The following KLK2 variants were observed in gnomAD, a reference collection of about 807,000 sequenced individuals.
KLK2 encodes the protein kallikrein related peptidase 2.
In KLK2, 17 loss-of-function variants were observed where a neutral mutation model predicts 23.0. That is an observed-to-expected ratio of 0.74 (90% CI 0.51 to 1.11). The LOEUF (loss-of-function observed/expected upper bound fraction) is 1.11, where lower values mean the gene tolerates loss of function less well. KLK2 is among the 50% of genes least tolerant of loss of function. The probability of loss-of-function intolerance (pLI) is 0.00; values close to 1 mark genes in which losing one functional copy is unlikely to be tolerated. For synonymous variants in KLK2, 140 were observed against 124.7 expected, an observed-to-expected ratio of 1.12 and a Z score of -0.82; for missense variants, 330 against 325.9, an observed-to-expected ratio of 1.01 and a Z score of -0.10.
In KLK2 at chr19:50,878,405, G is replaced by T. The variant is rs775859990; in HGVS notation, c.632G>T (p.Gly211Val). The T allele has an allele frequency of 9.3e-6, 15 of 1,612,620 alleles. No homozygotes were observed. The highest frequency in any genetic ancestry group is 2.2e-5 in the South Asian group (2 of 90,976). The change falls in exon 5 of 5, where the codon GGT (glycine) becomes GTT (valine). Residue 211 changes from glycine to valine, a missense_variant and splice_region_variant. Transcript: ENST00000325321. Reference sequence around the variant, plus strand: ...GTGTCTCTCCTCCTTTACCCTTAGGGTGATTCTGGGGGTCCACTTGTCTGT... The same window carrying T: ...GTGTCTCTCCTCCTTTACCCTTAGGTTGATTCTGGGGGTCCACTTGTCTGT... ...LWTGGKDTCG[G>V]DSGGPLVCNG... is the part of the protein sequence containing the mutation.
chr19:50,877,942 C>T lies in KLK2; in HGVS notation c.631-462C>T, dbSNP rs527927729. ...CAGTCTCTCCCCTCCACTCCATCCT[C>T]CATCTGGCCTCAGTGGGTCATTCTG... On this transcript the variant is annotated intron_variant, in intron 4 of 4. Transcript: ENST00000325321. Among the ~76,000 whole-genome samples the T allele has an allele frequency of 2.6e-5, 4 of 152,274 alleles. No individual in the cohort carries two copies. In the South Asian group the frequency reaches 8.3e-4, roughly 32 times the overall value.
Position 50,873,469 on chromosome 19 carries a change from T to A in KLK2, c.-5T>A. The stretch of plus-strand genomic sequence containing the variant: ...CACCACCTGGCCGTGGACACCTGTG[T>A]CAGCATGTGGGACCTGGTTCTCTCC... On this transcript the variant is annotated 5_prime_UTR_variant, in exon 1 of 5. Coordinates refer to ENST00000325321, the MANE Select transcript of KLK2 (RefSeq NM_005551.5). 6.3e-7 allele frequency: 1 copy of A among 1,596,862 alleles called. No homozygotes were observed.
chr19:50,878,858 A>C lies in KLK2; in HGVS notation c.*299A>C. The C allele has an allele frequency of 3.1e-6, 1 of 320,348 alleles. No homozygotes were observed. The highest frequency in any genetic ancestry group is 5.8e-6 in the Non-Finnish European group (1 of 171,274). The allele number at this position is 320,348 out of a possible 1,614,324, so 19.8% of individuals were successfully genotyped here. ...AGTTTCAGTGAGGACACACACAAAG[A>C]CGTGGGTGACCATGTTGTTTGTGGG... On this transcript the variant is annotated 3_prime_UTR_variant, in exon 5 of 5. Transcript: ENST00000325321.
intron 2 of KLK2, 90 bp from the exon 3 acceptor site, chr19:50,876,382 C>G: frequency 8.4e-7 from 1 of 1,185,100 alleles, no homozygotes; most frequent in East Asian, 2.4e-5. Context: ...GTTTCTTTTT[C>G]TTCCCTTTGG....
In KLK2 at chr19:50,879,065, C is replaced by T. The variant is rs916912512; in HGVS notation, c.*506C>T. 1.5e-4 allele frequency: 36 copies of T among 233,094 alleles called. No individual in the cohort carries two copies. The East Asian group carries it at 1.9e-3, about 12-fold the overall frequency. The allele number at this position is 233,094 out of a possible 1,614,324, so 14.4% of individuals were successfully genotyped here. ...GGGCACTGGGAAGCCTAGATAAGGCCGTGAGCAGAAAGAAGGGGAGGATCC... is the reference window on the plus strand; with the variant it reads ...GGGCACTGGGAAGCCTAGATAAGGCTGTGAGCAGAAAGAAGGGGAGGATCC... On this transcript the variant is annotated 3_prime_UTR_variant, in exon 5 of 5. Coordinates refer to ENST00000325321, the MANE Select transcript of KLK2 (RefSeq NM_005551.5).
At chr19:50,876,236 T>C (rs2046293967) in intron 2 of KLK2, 2 of 566,932 alleles carry the variant, frequency 3.5e-6, no homozygotes. Flanking sequence ...TCCTCTGCCA[T>C]TTTATGCTCT....
chr19:50,873,676 A>T, intron 1 of KLK2, 157 bp downstream of exon 1: 1 of 586,264 alleles, frequency 1.7e-6, no homozygotes, highest in Admixed American at 3.0e-5. Context: ...CCTCATGCCC[A>T]CACTAGGTCC....
rs1187231016 is a variant in KLK2, at chr19:50,876,945, T to C, written c.567T>C (p.Ser189=). The stretch of plus-strand genomic sequence containing the variant: ...ATGACATGTGTGCTAGAGCTTACTC[T>C]GAGAAGGTGACAGAGTTCATGTTGT... ...LSNDMCARAY[S]EKVTEFMLCA... The change falls in exon 4 of 5, where the codon TCT becomes TCC. Residue 189 remains serine (S), a synonymous_variant. Coordinates refer to ENST00000325321, the MANE Select transcript of KLK2 (RefSeq NM_005551.5). 2 of 1,614,182 alleles carry C rather than the reference T, an allele frequency of 1.2e-6. No homozygotes were observed. Among genetic ancestry groups the C allele is most frequent in the Non-Finnish European group, 1.7e-6 (2 of 1,180,014 alleles).
chr19:50,873,594 C>G, intron 1 of KLK2, 75 bp downstream of exon 1: 1 of 1,082,966 alleles, frequency 9.2e-7, no homozygotes, highest in Non-Finnish European at 1.4e-6. Context: ...CCACCCAGTG[C>G]CCCAGCCTCG....
chr19:50,877,953 C>T (rs1398176441), intron 4 of KLK2, among the ~76,000 whole-genome samples: 1 of 152,148 alleles, frequency 6.6e-6, no homozygotes, highest in Non-Finnish European at 1.5e-5. Flanking sequence ...CATCTGGCCT[C>T]AGTGGGTCAT....
intron 1 of KLK2, 43 bp downstream of exon 1, chr19:50,873,562 T>A (rs2090252625): frequency 2.1e-6 from 3 of 1,410,526 alleles, no homozygotes; most frequent in African/African-American, 2.8e-5. Context: ...GTTCTGACTC[T>A]TATGCTGAAG....
Position 50,878,706 on chromosome 19 carries a change from C to G in KLK2, c.*147C>G, listed in dbSNP as rs144992183. ...CCTGAGTCCTACTGACCTGTGCTTT[C>G]TGGTGTGGAGTCCAGGGCTGCTAGG... On this transcript the variant is annotated 3_prime_UTR_variant, in exon 5 of 5. Coordinates refer to ENST00000325321, the MANE Select transcript of KLK2 (RefSeq NM_005551.5). The G allele has an allele frequency of 4.6e-5, 33 of 715,742 alleles. No homozygotes were observed. The highest frequency in any genetic ancestry group is 7.6e-5 in the Non-Finnish European group (32 of 422,738). The allele number at this position is 715,742 out of a possible 1,614,324, so 44.3% of individuals were successfully genotyped here.
chr19:50,874,686 G>T, intron 1 of KLK2, 35 bp from the exon 2 acceptor site: 1 of 1,580,844 alleles, frequency 6.3e-7, no homozygotes, highest in Middle Eastern at 2.2e-4. Flanking sequence ...AATTCTTTTG[G>T]GTCTGATCCC....
chr19:50,878,446 GGTA>G lies in KLK2; in HGVS notation c.674_676del (p.Gly225_Ile226delinsVal), dbSNP rs1568504556. On this transcript the variant is annotated inframe_deletion, in exon 5 of 5. Transcript: ENST00000325321. ...ACTTGTCTGTAATGGTGTGCTTCAA[GGTA>G]TCACATCATGGGGCCCTGAGCCATG... is the stretch of plus-strand genomic sequence containing the variant. 1.9e-6 allele frequency: 3 copies of G among 1,614,020 alleles called. No homozygotes were observed. The highest frequency in any genetic ancestry group is 1.7e-6 in the Non-Finnish European group (2 of 1,179,902).
In KLK2 at chr19:50,879,610, C is replaced by T. The variant is rs1210134642; in HGVS notation, c.*1051C>T. The T allele has an allele frequency of 4.3e-6, 1 of 230,474 alleles. No homozygotes were observed. The highest frequency in any genetic ancestry group is 2.2e-5 in the African/African-American group (1 of 45,188). 14.3% of individuals were successfully genotyped at this position (230,474 alleles called of 1,614,324 possible). On this transcript the variant is annotated 3_prime_UTR_variant, in exon 5 of 5. Transcript: ENST00000325321. ...TGATCCTTAGTGTCCAGGGTTTTTA[C>T]TGGGGGTCTGTAGGACGAGTATGGA...
Position 50,880,473 on chromosome 19 carries a change from C to T in KLK2, c.*1914C>T, listed in dbSNP as rs958872301. ...GAAGTAGCCAGGTGGGAGCCTTTCC[C>T]AGTGGGTGTGGGACATATCTGGCAA... On this transcript the variant is annotated 3_prime_UTR_variant, in exon 5 of 5. Coordinates refer to ENST00000325321, the MANE Select transcript of KLK2 (RefSeq NM_005551.5). 4.6e-5 allele frequency: 10 copies of T among 219,524 alleles called. No individual in the cohort carries two copies. The highest frequency in any genetic ancestry group is 8.2e-5 in the Non-Finnish European group (9 of 109,530). 13.6% of individuals were successfully genotyped at this position (219,524 alleles called of 1,614,324 possible).
Position 50,876,449 on chromosome 19 carries a change from G to C in KLK2, c.207-23G>C, listed in dbSNP as rs375623694. On this transcript the variant is annotated intron_variant, in intron 2 of 4. Transcript: ENST00000325321. ...CTTTCCCCATTTTCTCTCTCCTCATGCATCCACCCCCTTCCTCCCCAGGAA... is the reference window on the plus strand; with the variant it reads ...CTTTCCCCATTTTCTCTCTCCTCATCCATCCACCCCCTTCCTCCCCAGGAA... The C allele has an allele frequency of 8.1e-6, 13 of 1,610,612 alleles. 1 individual carries two copies. Among genetic ancestry groups the C allele is most frequent in the Non-Finnish European group, 1.1e-5 (13 of 1,178,054 alleles).
chr19:50,875,017 C>A (rs62113074), intron 2 of KLK2, 137 bp downstream of exon 2: 2 of 1,397,218 alleles, frequency 1.4e-6, no homozygotes, highest in African/African-American at 2.9e-5. Flanking sequence ...CAGGTCGCAC[C>A]CGGAGGCAGA....
chr19:50,876,465 T>A lies in KLK2; in HGVS notation c.207-7T>A. The stretch of plus-strand genomic sequence containing the variant: ...TCTCCTCATGCATCCACCCCCTTCC[T>A]CCCCAGGAATAGCCAGGTCTGGCTG... On this transcript the variant is annotated splice_polypyrimidine_tract_variant and splice_region_variant and intron_variant, in intron 2 of 4. Transcript: ENST00000325321. 4.3e-6 allele frequency: 7 copies of A among 1,613,386 alleles called. No homozygotes were observed. Among genetic ancestry groups the A allele is most frequent in the Non-Finnish European group, 5.1e-6 (6 of 1,179,622 alleles).
Sources: allele counts gnomAD v4.1 joint callset (sites outside exome capture counted in the v4.1 genomes callset), GRCh38; gene constraint gnomAD v4.1.1; transcripts MANE v1.5; gene names NCBI Gene and HGNC (gene_info 2026-07-23, HGNC 2026-07-21).